Variants in PRKCH observed in about 807,000 individuals in gnomAD.
PRKCH encodes protein kinase C eta, also known as protein kinase C eta type.
Under a neutral mutation model 82.5 loss-of-function variants are expected in PRKCH, and 28 were observed. That is an observed-to-expected ratio of 0.34 (90% confidence interval 0.25 to 0.47). The LOEUF is 0.47. PRKCH is among the 20% of genes least tolerant of loss of function. The pLI is 1.00. For missense variants in PRKCH, 705 were observed against 881.8 expected (o/e 0.80, Z 2.54); for synonymous variants, 322 against 327.4 (o/e 0.98, Z 0.18).
At chr14:61,518,183 A>G (rs1385600158) in intron 10 of PRKCH, among the ~76,000 whole-genome samples, 1 of 152,150 alleles carries the variant, frequency 6.6e-6, no homozygotes, top group African/African-American at 2.4e-5. Flanking sequence ...TTAGCCACCA[A>G]AGGTCTGTTG....
intron 1 of PRKCH, among the ~76,000 whole-genome samples, chr14:61,289,227 G>C (rs1253845198): frequency 1.3e-5 from 2 of 152,172 alleles, no homozygotes; most frequent in African/African-American, 4.8e-5. Flanking sequence ...GTAAAGGAAG[G>C]GGACCAGCAT....
chr14:61,251,380 CCTT>C (rs2044944872), intron 1 of PRKCH, among the ~76,000 whole-genome samples: 1 of 152,142 alleles, frequency 6.6e-6, no homozygotes, highest in African/African-American at 2.4e-5. Context: ...TGATAACCAT[CCTT>C]CTATTCTCTA....
chr14:61,494,118 C>G (rs2139936251), intron 10 of PRKCH, among the ~76,000 whole-genome samples: 1 of 152,200 alleles, frequency 6.6e-6, no homozygotes, highest in South Asian at 2.1e-4. Context: ...GCATAGGAGT[C>G]TGAAGCTCAG....
intron 10 of PRKCH, chr14:61,528,752 G>C: frequency 5.1e-6 from 1 of 197,728 alleles, no homozygotes; most frequent in South Asian, 8.4e-5. Context: ...TATAGGCTGA[G>C]TATGAGGTAA....
chr14:61,232,891 G>C (rs764648712), intron 1 of PRKCH, among the ~76,000 whole-genome samples: 1 of 152,090 alleles, frequency 6.6e-6, no homozygotes, highest in Non-Finnish European at 1.5e-5. Context: ...CCAACCGTCA[G>C]TCAACTCATT....
chr14:61,189,487 C>G (rs1381079873), intron 1 of PRKCH, among the ~76,000 whole-genome samples: 2 of 150,978 alleles, frequency 1.3e-5, no homozygotes, highest in Non-Finnish European at 2.9e-5. Context: ...TGCTAACAGA[C>G]TGCACTGAAA....
At chr14:61,406,159 G>T (rs1430979762) in intron 2 of PRKCH, among the ~76,000 whole-genome samples, 1 of 150,948 alleles carries the variant, frequency 6.6e-6, no homozygotes, top group East Asian at 2.0e-4. Flanking sequence ...TAAAGTTTTG[G>T]TGGCTGGGAG....
chr14:61,304,033 A>T (rs2045466386), intron 1 of PRKCH: 1 of 152,040 alleles, frequency 6.6e-6, no homozygotes, highest in African/African-American at 2.4e-5. Flanking sequence ...TTAAGTTTAA[A>T]TTTAGTCACT....
intron 1 of PRKCH, among the ~76,000 whole-genome samples, chr14:61,291,891 G>A (rs1470764007): frequency 6.6e-6 from 1 of 152,146 alleles, no homozygotes; most frequent in Non-Finnish European, 1.5e-5. Flanking sequence ...AGTCATCTGA[G>A]TCAAAGATTA....
chr14:61,405,769 G>C (rs533149275), intron 2 of PRKCH, among the ~76,000 whole-genome samples: 1 of 151,968 alleles, frequency 6.6e-6, no homozygotes, highest in Non-Finnish European at 1.5e-5. Flanking sequence ...TAACTGGAGA[G>C]GTAAGTAGGT....
intron 1 of PRKCH, chr14:61,281,231 C>A: frequency 1.2e-6 from 1 of 866,510 alleles, no homozygotes; most frequent in South Asian, 5.5e-5. Flanking sequence ...CGCGCAAGCC[C>A]GGGGACTGCT....
At chr14:61,485,409 C>T (rs1378364120) in intron 9 of PRKCH, 93 bp from the exon 10 acceptor site, 1 of 1,452,826 alleles carries the variant, frequency 6.9e-7, no homozygotes, top group Non-Finnish European at 9.4e-7. Flanking sequence ...TGACAGTGTC[C>T]TCTCTATGCC....
intron 2 of PRKCH, among the ~76,000 whole-genome samples, chr14:61,431,153 C>T (rs1359304939): frequency 1.4e-5 from 2 of 144,488 alleles, no homozygotes; most frequent in Non-Finnish European, 3.1e-5. Flanking sequence ...GTATGACCTT[C>T]CTCTAGGAAC....
At chr14:61,253,702 G>T (rs990729665) in intron 1 of PRKCH, among the ~76,000 whole-genome samples, 2 of 152,138 alleles carry the variant, frequency 1.3e-5, no homozygotes, top group African/African-American at 2.4e-5. Flanking sequence ...AATTATACTG[G>T]TTTCTAATCT....
At chr14:61,342,358 G>T (rs918879914) in intron 1 of PRKCH, among the ~76,000 whole-genome samples, 12 of 152,292 alleles carry the variant, frequency 7.9e-5, no homozygotes, top group Non-Finnish European at 1.3e-4. Flanking sequence ...TTGGAGAGGT[G>T]CCTTGGATTG....
At chr14:61,378,790 G>A (rs572903104) in intron 1 of PRKCH, among the ~76,000 whole-genome samples, 64 of 152,176 alleles carry the variant, frequency 4.2e-4, no homozygotes, top group Non-Finnish European at 8.4e-4. Context: ...CATCAGTTAC[G>A]AAAAGTCCAG....
chr14:61,343,961 A>G lies in PRKCH; in HGVS notation c.363+21497A>G, dbSNP rs76272152. On this transcript the variant is annotated intron_variant, in intron 1 of 13. Transcript: ENST00000332981. ...TGCTGCACAAGGCCTGTATTTTATA[A>G]TGGTGGCTCTTTTGGACGATGACTT... 4.4e-4 allele frequency among the ~76,000 whole-genome samples: 67 copies of G among 152,290 alleles called. No individual in the cohort carries two copies. The East Asian group carries it at 8.3e-3, about 19-fold the overall frequency.
At chr14:61,429,031 A>G (rs1883266317) in intron 2 of PRKCH, among the ~76,000 whole-genome samples, 1 of 152,216 alleles carries the variant, frequency 6.6e-6, no homozygotes, top group Non-Finnish European at 1.5e-5. Context: ...CAAAGGTTAA[A>G]AATAAGTTCT....
chr14:61,395,006 AG>A (rs1398233009), intron 2 of PRKCH, among the ~76,000 whole-genome samples: 1 of 152,162 alleles, frequency 6.6e-6, no homozygotes, highest in East Asian at 1.9e-4. Flanking sequence ...TATTCCTCTT[AG>A]GTGTGTTTGC....
Sources: allele counts gnomAD v4.1 joint callset (sites outside exome capture counted in the v4.1 genomes callset), GRCh38; gene constraint gnomAD v4.1.1; transcripts MANE v1.5; gene names NCBI Gene and HGNC (gene_info 2026-07-23, HGNC 2026-07-21).